Variants in CREB5 observed in about 807,000 individuals in gnomAD.
The protein encoded by CREB5 is cAMP responsive element binding protein 5.
Under a neutral mutation model 57.1 loss-of-function variants are expected in CREB5, and 19 were observed. The ratio of observed to expected loss-of-function variants is 0.33; its 90% CI spans 0.23 to 0.49. The LOEUF (loss-of-function observed/expected upper bound fraction) is 0.49. Ranked by LOEUF, CREB5 falls within the 20% of genes least tolerant of loss-of-function variation. CREB5 has a pLI of 0.99. For synonymous variants in CREB5, 238 were observed against 238.3 expected, an observed-to-expected ratio of 1.00 and a Z score of 0.01; for missense variants, 579 against 671.6, an observed-to-expected ratio of 0.86 and a Z score of 1.52.
chr7:28,374,010 C>A (rs1034432556), intron 1 of CREB5, among the ~76,000 whole-genome samples: 4 of 151,798 alleles, frequency 2.6e-5, no homozygotes, highest in African/African-American at 9.7e-5. Flanking sequence ...TAGAAGTTAC[C>A]AAGGTTACCA....
At chr7:28,808,798 T>G (rs1474404662) in intron 8 of CREB5, among the ~76,000 whole-genome samples, 2 of 139,822 alleles carry the variant, frequency 1.4e-5, no homozygotes, top group Non-Finnish European at 3.0e-5. Context: ...TGGCCTCAAG[T>G]GATCCTCCCG....
intron 4 of CREB5, among the ~76,000 whole-genome samples, chr7:28,555,433 C>A (rs1184436540): frequency 2.0e-5 from 3 of 152,144 alleles, no homozygotes; most frequent in Admixed American, 6.5e-5. Flanking sequence ...TGATTATAAA[C>A]CTTTAAAAAG....
intron 5 of CREB5, among the ~76,000 whole-genome samples, chr7:28,686,546 G>A (rs1256160685): frequency 6.6e-6 from 1 of 152,046 alleles, no homozygotes; most frequent in Admixed American, 6.5e-5. Context: ...AAAGAGCGAA[G>A]CGAGAAAGAG....
chr7:28,645,273 G>A (rs908073975), intron 5 of CREB5, among the ~76,000 whole-genome samples: 2 of 152,128 alleles, frequency 1.3e-5, no homozygotes. Context: ...AATTACCTTT[G>A]AATCTTCATG....
intron 1 of CREB5, among the ~76,000 whole-genome samples, chr7:28,394,808 A>C (rs532272031): frequency 6.6e-6 from 1 of 152,316 alleles, no homozygotes; most frequent in South Asian, 2.1e-4. Context: ...CATGAAGAGA[A>C]GCCCATTTAG....
chr7:28,686,693 G>A lies in CREB5; in HGVS notation c.465-32060G>A, dbSNP rs568594776. Among the ~76,000 whole-genome samples the A allele has an allele frequency of 1.9e-3, 289 of 152,266 alleles. 1 individual carries two copies. The highest frequency in any genetic ancestry group is 2.5e-3 in the Non-Finnish European group (173 of 68,010). ...AAGGGTAGTTAAGTAATGTGAGAGC[G>A]AGGGGGTCAGGGTTGCAAAGCATTT... On this transcript the variant is annotated intron_variant, in intron 5 of 10. Transcript: ENST00000357727.
intron 4 of CREB5, among the ~76,000 whole-genome samples, chr7:28,560,847 C>CGCGTGCGTGCGCGT (rs1470107108): frequency 7.1e-5 from 3 of 42,274 alleles, no homozygotes; most frequent in African/African-American, 2.2e-4. Flanking sequence ...TGTGTGTGCG[C>CGCGTGCGTGCGCGT]GTGTGTGTGT....
intron 5 of CREB5, among the ~76,000 whole-genome samples, chr7:28,648,832 C>T (rs913766399): frequency 6.6e-6 from 1 of 152,146 alleles, no homozygotes; most frequent in Non-Finnish European, 1.5e-5. Flanking sequence ...CTTAAAGACT[C>T]TTTTATTTAA....
chr7:28,491,330 TG>T, intron 2 of CREB5: 1 of 824,658 alleles, frequency 1.2e-6, no homozygotes, highest in Non-Finnish European at 1.5e-6. Flanking sequence ...TGGGGAGGAG[TG>T]GGGGTGCCAA....
chr7:28,440,468 G>A (rs558812555), intron 1 of CREB5, among the ~76,000 whole-genome samples: 1 of 152,254 alleles, frequency 6.6e-6, no homozygotes, highest in South Asian at 2.1e-4. Context: ...CACTGCAGTG[G>A]TACCGCCAGT....
At chr7:28,391,696 G>A (rs1285001848) in intron 1 of CREB5, among the ~76,000 whole-genome samples, 1 of 152,176 alleles carries the variant, frequency 6.6e-6, no homozygotes, top group South Asian at 2.1e-4. Context: ...TGTCCTCTGG[G>A]AAGGACTGGA....
intron 1 of CREB5, among the ~76,000 whole-genome samples, chr7:28,424,863 A>G (rs1788434733): frequency 6.6e-6 from 1 of 152,234 alleles, no homozygotes; most frequent in African/African-American, 2.4e-5. Context: ...GTTGATGGAT[A>G]ATTTATGTCT....
At chr7:28,521,129 T>G (rs1048756992) in intron 4 of CREB5, among the ~76,000 whole-genome samples, 1 of 152,166 alleles carries the variant, frequency 6.6e-6, no homozygotes, top group African/African-American at 2.4e-5. Flanking sequence ...CATTGCACAG[T>G]GCATGTGTGT....
chr7:28,702,542 C>G (rs1352502047), intron 5 of CREB5, among the ~76,000 whole-genome samples: 3 of 152,174 alleles, frequency 2.0e-5, no homozygotes, highest in African/African-American at 7.2e-5. Context: ...ATGATGTTCT[C>G]CTTTCTGCTT....
At chr7:28,713,783 C>G (rs905196588) in intron 5 of CREB5, among the ~76,000 whole-genome samples, 4 of 152,072 alleles carry the variant, frequency 2.6e-5, no homozygotes, top group African/African-American at 7.2e-5. Context: ...AAATGGAGAG[C>G]CTGAAAGTTA....
chr7:28,748,512 C>T (rs1804798688), intron 7 of CREB5, among the ~76,000 whole-genome samples: 1 of 152,222 alleles, frequency 6.6e-6, no homozygotes, highest in African/African-American at 2.4e-5. Context: ...CGACGAATTA[C>T]TAGAGCTCAG....
chr7:28,708,656 A>C (rs976524710), intron 5 of CREB5, among the ~76,000 whole-genome samples: 2 of 152,204 alleles, frequency 1.3e-5, no homozygotes, highest in African/African-American at 2.4e-5. Context: ...ATTGCCATTC[A>C]GCTGCAAAAT....
rs1381553026 is a variant in CREB5 at position 28,535,267 on chromosome 7, G to A, written c.291+27530G>A. Among the ~76,000 whole-genome samples, 3 of 136,522 alleles carry A rather than the reference G, an allele frequency of 2.2e-5. 1 individual carries two copies. The highest frequency in any genetic ancestry group is 8.0e-5 in the African/African-American group (3 of 37,406). 89.6% of individuals were successfully genotyped at this position (136,522 alleles called of 152,430 possible). A position where few individuals can be genotyped will look rare whatever the true frequency, so the allele number is the denominator to read the frequency against. Reference sequence around the variant, plus strand: ...AGTAGAGGTTTTTCCTCTACTGGCTGCAAATAGTCCTCTGTGGTTAAACCA... The same window carrying A: ...AGTAGAGGTTTTTCCTCTACTGGCTACAAATAGTCCTCTGTGGTTAAACCA... On this transcript the variant is annotated intron_variant, in intron 4 of 10. Transcript: ENST00000357727.
chr7:28,802,078 GAAAAA>G (rs35658848), intron 7 of CREB5, among the ~76,000 whole-genome samples: 11 of 26,634 alleles, frequency 4.1e-4, no homozygotes, highest in Admixed American at 6.5e-4. Flanking sequence ...GACTCCATCT[GAAAAA>G]AAAAAAAAAA....
Sources: allele counts gnomAD v4.1 joint callset (sites outside exome capture counted in the v4.1 genomes callset), GRCh38; gene constraint gnomAD v4.1.1; transcripts MANE v1.5; gene names NCBI Gene and HGNC (gene_info 2026-07-23, HGNC 2026-07-21).